MMP16: variants seen among roughly 807,000 people sequenced by gnomAD.
The protein encoded by MMP16 is matrix metallopeptidase 16, also known as matrix metalloproteinase-16.
MMP16 carries 12 observed loss-of-function variants against 67.8 expected under a neutral mutation model. That is an observed-to-expected ratio of 0.18 (90% CI 0.11 to 0.29). The LOEUF (loss-of-function observed/expected upper bound fraction) is 0.29. MMP16 is among the 10% of genes least tolerant of loss of function. The pLI, the probability that MMP16 is intolerant of heterozygous loss-of-function variation, is 1.00. For missense variants in MMP16, 475 were observed against 765.7 expected (o/e 0.62, Z 4.48); for synonymous variants, 249 against 255.9 (o/e 0.97, Z 0.26).
At chr8:88,260,994 T>C (rs1724914050) in intron 1 of MMP16, among the ~76,000 whole-genome samples, 1 of 152,172 alleles carries the variant, frequency 6.6e-6, no homozygotes, top group African/African-American at 2.4e-5. Context: ...CTTTAACAAG[T>C]ATCTTGTACT....
intron 9 of MMP16, among the ~76,000 whole-genome samples, chr8:88,045,029 T>C (rs529491655): frequency 4.6e-4 from 70 of 152,206 alleles, no homozygotes; most frequent in Non-Finnish European, 7.6e-4. Flanking sequence ...AGTCTCACTG[T>C]CCTATGGATT....
At chr8:88,108,557 G>A (rs902887773) in intron 6 of MMP16, among the ~76,000 whole-genome samples, 1 of 151,208 alleles carries the variant, frequency 6.6e-6, no homozygotes, top group Admixed American at 6.6e-5. Context: ...CATCCATCCT[G>A]AAAAACTGAG....
At chr8:88,069,766 C>G (rs1808520881) in intron 7 of MMP16, among the ~76,000 whole-genome samples, 1 of 152,088 alleles carries the variant, frequency 6.6e-6, no homozygotes, top group Non-Finnish European at 1.5e-5. Flanking sequence ...TGATTTCCAT[C>G]CTTTTCTCTA....
At chr8:88,230,000 T>C (rs2129870186) in intron 1 of MMP16, among the ~76,000 whole-genome samples, 1 of 152,188 alleles carries the variant, frequency 6.6e-6, no homozygotes, top group African/African-American at 2.4e-5. Flanking sequence ...AATCCCCTTC[T>C]CATTAGAAGT....
intron 1 of MMP16, among the ~76,000 whole-genome samples, chr8:88,270,168 A>T (rs1810543241): frequency 6.6e-6 from 1 of 152,208 alleles, no homozygotes; most frequent in South Asian, 2.1e-4. Context: ...GATCTCAACA[A>T]AGTTGACTAA....
intron 1 of MMP16, among the ~76,000 whole-genome samples, chr8:88,312,040 G>A (rs1407043427): frequency 2.0e-5 from 3 of 152,186 alleles, no homozygotes; most frequent in African/African-American, 7.2e-5. Context: ...TGTGGTAGGT[G>A]ATACCAGCAC....
intron 4 of MMP16, among the ~76,000 whole-genome samples, chr8:88,142,406 T>C (rs1231338309): frequency 6.6e-6 from 1 of 152,144 alleles, no homozygotes; most frequent in Non-Finnish European, 1.5e-5. Context: ...ACAACAATTG[T>C]ACATATAGCT....
At chr8:88,313,647 C>T (rs1043207889) in intron 1 of MMP16, among the ~76,000 whole-genome samples, 1 of 152,184 alleles carries the variant, frequency 6.6e-6, no homozygotes, top group African/African-American at 2.4e-5. Context: ...CCTCTCCCTA[C>T]TTAAGAGACT....
chr8:88,261,646 T>A (rs775283828), intron 1 of MMP16, among the ~76,000 whole-genome samples: 2 of 152,074 alleles, frequency 1.3e-5, no homozygotes, highest in Non-Finnish European at 2.9e-5. Flanking sequence ...CGTATCATCA[T>A]CATACTTAAG....
At chr8:88,158,276 A>C (rs1301478416) in intron 4 of MMP16, among the ~76,000 whole-genome samples, 2 of 152,174 alleles carry the variant, frequency 1.3e-5, no homozygotes, top group Non-Finnish European at 2.9e-5. Context: ...GAACTAGTTT[A>C]CACTCCCACC....
At position 88,327,223 on chromosome 8, in the gene MMP16, A is replaced by G. The variant is rs760765994; in HGVS notation, c.-17T>C. The G allele has an allele frequency of 3.7e-6, 6 of 1,613,420 alleles. No individual in the cohort carries two copies. Among genetic ancestry groups the G allele is most frequent in the East Asian group, 2.2e-5 (1 of 44,826 alleles). On this transcript the variant is annotated 5_prime_UTR_variant, in exon 1 of 10. Transcript: ENST00000286614. ...TAAGATCATAGTGAACTGTGCTTCAATGGATGGACGAGCTCCCCTTCGTTT... is the reference window on the plus strand; with the variant it reads ...TAAGATCATAGTGAACTGTGCTTCAGTGGATGGACGAGCTCCCCTTCGTTT...
At chr8:88,237,655 C>T (rs1809964744) in intron 1 of MMP16, among the ~76,000 whole-genome samples, 1 of 69,794 alleles carries the variant, frequency 1.4e-5, no homozygotes, top group African/African-American at 5.3e-5. Context: ...ATTCAAAAAA[C>T]AGAACAACAA....
rs570431952 is a variant in MMP16, at chr8:88,159,371, T to A, written c.709+8298A>T. ...CAGTGGTTTGTAGTTCTTGAAGAGG[T>A]CCTTCACATCCCTTGTAAGTTGAAT... On this transcript the variant is annotated intron_variant, in intron 4 of 9. Coordinates refer to ENST00000286614, the MANE Select transcript of MMP16 (RefSeq NM_005941.5). 9.1e-4 allele frequency among the ~76,000 whole-genome samples: 138 copies of A among 152,276 alleles called. 4 individuals are homozygous for A. Among genetic ancestry groups the A allele is most frequent in the Admixed American group, 8.8e-3 (134 of 15,284 alleles).
intron 4 of MMP16, among the ~76,000 whole-genome samples, chr8:88,145,931 G>C (rs902914562): frequency 1.3e-5 from 2 of 151,882 alleles, no homozygotes; most frequent in African/African-American, 4.8e-5. Context: ...GTAATGTATA[G>C]GAACATCTCT....
At chr8:88,322,819 T>C (rs1477198389) in intron 1 of MMP16, among the ~76,000 whole-genome samples, 4 of 152,110 alleles carry the variant, frequency 2.6e-5, no homozygotes, top group South Asian at 2.1e-4. Flanking sequence ...AATGGTTTCA[T>C]GAATAACCAT....
At chr8:88,085,806 T>A (rs1465898024) in intron 6 of MMP16, among the ~76,000 whole-genome samples, 1 of 152,070 alleles carries the variant, frequency 6.6e-6, no homozygotes, top group African/African-American at 2.4e-5. Context: ...GTGCTAAGTT[T>A]ATGTGTTAAC....
chr8:88,063,306 C>A lies in MMP16; in HGVS notation c.1223-7028G>T, dbSNP rs74518724. 1.1e-3 allele frequency among the ~76,000 whole-genome samples: 169 copies of A among 151,936 alleles called. 2 individuals are homozygous for A. In the East Asian group the frequency reaches 0.031, roughly 28 times the overall value. On this transcript the variant is annotated intron_variant, in intron 7 of 9. Transcript: ENST00000286614. ...CTATTCAATGTCTGTTTATTATGAG[C>A]CTATTATAGTCTGTCAGTCAACCAG...
At chr8:88,192,246 G>A (rs760075975) in intron 2 of MMP16, among the ~76,000 whole-genome samples, 8 of 152,056 alleles carry the variant, frequency 5.3e-5, no homozygotes, top group East Asian at 1.9e-4. Flanking sequence ...AAAATGTTGC[G>A]GCTGACAGCT....
intron 1 of MMP16, among the ~76,000 whole-genome samples, chr8:88,294,876 C>T (rs1007403219): frequency 3.3e-5 from 5 of 152,062 alleles, no homozygotes; most frequent in African/African-American, 4.8e-5. Context: ...CCATGCCTGG[C>T]TAATTTTTGT....
Sources: allele counts gnomAD v4.1 joint callset (sites outside exome capture counted in the v4.1 genomes callset), GRCh38; gene constraint gnomAD v4.1.1; transcripts MANE v1.5; gene names NCBI Gene and HGNC (gene_info 2026-07-23, HGNC 2026-07-21).